TRPM3: variants seen among roughly 807,000 people sequenced by gnomAD.
TRPM3 encodes transient receptor potential cation channel subfamily M member 3, also known as long transient receptor potential channel 3.
A neutral mutation model predicts 181.2 loss-of-function variants in TRPM3; 77 were observed. The observed-to-expected ratio is 0.42, with a 90% confidence interval of 0.35 to 0.51. The LOEUF (loss-of-function observed/expected upper bound fraction) is 0.51. Among genes scored for constraint, TRPM3 ranks in the 20% least tolerant of loss-of-function variants. TRPM3 has a pLI of 0.01. For synonymous variants in TRPM3, 745 were observed against 796.4 expected, an observed-to-expected ratio of 0.94 and a Z score of 1.09; for missense variants, 1,759 against 2,196.7, an observed-to-expected ratio of 0.80 and a Z score of 3.98.
chr9:71,092,950 C>T (rs2066470396), intron 1 of TRPM3, among the ~76,000 whole-genome samples: 1 of 152,112 alleles, frequency 6.6e-6, no homozygotes, highest in Admixed American at 6.6e-5. Flanking sequence ...CACGCATCTA[C>T]AATCATCTGA....
chr9:71,068,533 G>C (rs946373789), intron 1 of TRPM3, among the ~76,000 whole-genome samples: 2 of 152,160 alleles, frequency 1.3e-5, no homozygotes, highest in Non-Finnish European at 2.9e-5. Context: ...TGTGCTTCTA[G>C]AAACTACTTA....
Position 70,620,246 on chromosome 9 carries a change from C to T in TRPM3, c.1959G>A (p.Val653=), listed in dbSNP as rs1299096827. The T allele has an allele frequency of 1.2e-6, 2 of 1,614,116 alleles. No individual in the cohort carries two copies. Among genetic ancestry groups the T allele is most frequent in the Non-Finnish European group, 1.7e-6 (2 of 1,180,060 alleles). ...HFPFPFHELM[V]WAVLMKRQKM... ...TCTGCCGCTTCATGAGAACAGCCCA[C>T]ACCATGAGCTCATGGAAAGGGAAGG... Residue 653 remains valine (V), a synonymous_variant, in exon 16 of 26, where the codon GTG becomes GTA. Coordinates refer to ENST00000677713, the MANE Select transcript of TRPM3 (RefSeq NM_001366145.2).
chr9:70,865,137 G>C (rs2095622047), intron 1 of TRPM3, among the ~76,000 whole-genome samples: 1 of 151,910 alleles, frequency 6.6e-6, no homozygotes, highest in African/African-American at 2.4e-5. Context: ...AAAAAAGTAA[G>C]ATAGCACATT....
chr9:71,395,510 G>C (rs953074483), intron 1 of TRPM3, among the ~76,000 whole-genome samples: 6 of 152,200 alleles, frequency 3.9e-5, no homozygotes. Context: ...ACGTGGAGCT[G>C]CCCTGTGGAA....
At chr9:71,361,022 T>C (rs2092121315) in intron 1 of TRPM3, among the ~76,000 whole-genome samples, 1 of 152,212 alleles carries the variant, frequency 6.6e-6, no homozygotes, top group African/African-American at 2.4e-5. Context: ...AGTCTTGCCT[T>C]GTGGCCTAGG....
intron 6 of TRPM3, among the ~76,000 whole-genome samples, chr9:70,823,398 G>A (rs1466277622): frequency 4.4e-5 from 3 of 68,292 alleles, no homozygotes; most frequent in African/African-American, 7.1e-5. Flanking sequence ...TCTTTACCAA[G>A]CTTTCCCCCG....
chr9:71,324,923 G>C (rs1301367352), intron 1 of TRPM3, among the ~76,000 whole-genome samples: 1 of 152,026 alleles, frequency 6.6e-6, no homozygotes, highest in Admixed American at 6.6e-5. Flanking sequence ...TTAAAAAATA[G>C]ATAACAGAGA....
At chr9:71,150,379 A>G (rs1403523807) in intron 1 of TRPM3, among the ~76,000 whole-genome samples, 1 of 152,186 alleles carries the variant, frequency 6.6e-6, no homozygotes, top group Admixed American at 6.5e-5. Flanking sequence ...AGATGAGCAG[A>G]GTATATAAAT....
At chr9:71,346,235 C>T (rs192523022) in intron 1 of TRPM3, among the ~76,000 whole-genome samples, 1 of 152,090 alleles carries the variant, frequency 6.6e-6, no homozygotes, top group Non-Finnish European at 1.5e-5. Context: ...AAGGATGAAT[C>T]GTTAAAGTAT....
intron 8 of TRPM3, among the ~76,000 whole-genome samples, chr9:70,739,185 C>CT (rs2134763962): frequency 6.6e-6 from 1 of 152,218 alleles, no homozygotes; most frequent in East Asian, 1.9e-4. Flanking sequence ...AAAAGGAAAA[C>CT]TACAGACCGA....
At chr9:71,393,044 G>C (rs1163567915) in intron 1 of TRPM3, among the ~76,000 whole-genome samples, 2 of 152,082 alleles carry the variant, frequency 1.3e-5, no homozygotes, top group African/African-American at 4.8e-5. Context: ...TTGTTTTCTA[G>C]GAAGGACTGG....
intron 1 of TRPM3, among the ~76,000 whole-genome samples, chr9:71,171,604 G>A (rs1158382138): frequency 6.6e-6 from 1 of 152,082 alleles, no homozygotes; most frequent in Admixed American, 6.6e-5. Context: ...CACAATTCCT[G>A]TCTCTAAAAT....
In TRPM3 at chr9:71,186,464, C is replaced by T. The variant is rs902252581; in HGVS notation, c.183+260189G>A. ...ATGCTCTCTCTGCTCTGGTCTTATA[C>T]TGTATGTTTTTTAAGGCAAATTCTA... On this transcript the variant is annotated intron_variant, in intron 1 of 24. Transcript: ENST00000357533. Among the ~76,000 whole-genome samples, 8 of 152,144 alleles carry T rather than the reference C, an allele frequency of 5.3e-5. No individual in the cohort carries two copies. The East Asian group carries it at 1.5e-3, about 29-fold the overall frequency.
rs1309993809 is a variant in TRPM3 at position 71,177,355 on chromosome 9, G to GC, written c.183+269297dup. ...CTTGAATCATCCCAAAACCATCCCT[G>GC]CCCCCCTACCCCTGGTCTATGGAAA... On this transcript the variant is annotated intron_variant, in intron 1 of 24. Transcript: ENST00000357533. Among the ~76,000 whole-genome samples, 3 of 151,934 alleles carry GC rather than the reference G, an allele frequency of 2.0e-5. No individual in the cohort carries two copies. The East Asian group carries it at 5.8e-4, about 29-fold the overall frequency.
intron 1 of TRPM3, among the ~76,000 whole-genome samples, chr9:70,873,813 A>T (rs1472222171): frequency 6.6e-6 from 1 of 151,946 alleles, no homozygotes. Context: ...TCCACTGCAA[A>T]TCTACAGTAT....
chr9:71,206,507 T>A (rs2079131580), intron 1 of TRPM3, among the ~76,000 whole-genome samples: 1 of 152,210 alleles, frequency 6.6e-6, no homozygotes, highest in African/African-American at 2.4e-5. Context: ...ATGGACAGAC[T>A]GCAAAAATTT....
chr9:70,946,228 C>T (rs2096930893), intron 1 of TRPM3, among the ~76,000 whole-genome samples: 1 of 152,000 alleles, frequency 6.6e-6, no homozygotes, highest in Admixed American at 6.6e-5. Flanking sequence ...CAGTCTTGAA[C>T]TCCTGGACTC....
intron 6 of TRPM3, among the ~76,000 whole-genome samples, chr9:70,803,717 T>C (rs1280936734): frequency 6.6e-6 from 1 of 152,046 alleles, no homozygotes; most frequent in African/African-American, 2.4e-5. Flanking sequence ...CCCAAAGTGC[T>C]GGGATTACAG....
At chr9:71,233,272 A>G (rs1184867416) in intron 1 of TRPM3, among the ~76,000 whole-genome samples, 1 of 152,196 alleles carries the variant, frequency 6.6e-6, no homozygotes, top group Non-Finnish European at 1.5e-5. Flanking sequence ...TAAAGACTCC[A>G]TGCTTCATTA....
Sources: gnomAD v4.1 joint callset for allele counts (sites outside exome capture counted in the v4.1 genomes callset) on GRCh38, gnomAD v4.1.1 for gene constraint, MANE v1.5 for transcripts, NCBI Gene and HGNC (gene_info 2026-07-23, HGNC 2026-07-21) for gene names.